DPPA3: variants seen among roughly 807,000 people sequenced by gnomAD.
DPPA3 encodes the protein developmental pluripotency associated 3, also known as developmental pluripotency-associated protein 3.
DPPA3 carries 9 observed loss-of-function variants against 15.6 expected under a neutral mutation model. The observed-to-expected ratio is 0.58, with a 90% CI of 0.35 to 1.01. The LOEUF is 1.01. Ranked by LOEUF, DPPA3 falls within the 50% of genes least tolerant of loss-of-function variation. The pLI, the probability that DPPA3 is intolerant of heterozygous loss-of-function variation, is 0.02. For missense variants in DPPA3, 148 were observed against 194.6 expected (o/e 0.76, Z 1.42); for synonymous variants, 61 against 70.9 (o/e 0.86, Z 0.70).
chr12:7,714,838 A>G (rs1311210602), intron 1 of DPPA3, among the ~76,000 whole-genome samples: 7 of 151,580 alleles, frequency 4.6e-5, no homozygotes, highest in African/African-American at 1.7e-4. Flanking sequence ...TCAGCCTCCC[A>G]AGTACCTGGG....
rs539126010 is a variant in DPPA3 at position 7,715,426 on chromosome 12, C to T, written c.326C>T (p.Thr109Met). 12 of 1,613,766 alleles carry T rather than the reference C, an allele frequency of 7.4e-6. No homozygotes were observed. The African/African-American group carries it at 1.6e-4, about 22-fold the overall frequency. The change falls in exon 2 of 4, where the codon ACG becomes ATG. Residue 109 changes from threonine (T) to methionine (M), a missense_variant and splice_region_variant. Thr to Met is a moderately conservative substitution (Grantham distance 81). Transcript: ENST00000345088. The stretch of plus-strand genomic sequence containing the variant: ...TACATGTTACTCGGCGGAGTTCGTA[C>T]GGTATGTTGATGTGATGTGGCCGGG... The part of the protein sequence containing the change: ...LRYMLLGGVR[T>M]HERRPTNKEP...
At position 7,712,077 on chromosome 12, in the gene DPPA3, G is replaced by GGCTATTTTTTTTTTTTTTTTTT. The variant is rs71038728; in HGVS notation, c.82+425_82+426insGCTATTTTTTTTTTTTTTTTTT. On this transcript the variant is annotated intron_variant, in intron 1 of 3. Transcript: ENST00000345088. ...ACTACAGGCGCCCGCCACCGCGCCC[G>GGCTATTTTTTTTTTTTTTTTTT]TTTTTTTTTTTGTATTTTTGGTAGA... 4.4e-4 allele frequency among the ~76,000 whole-genome samples: 34 copies of GGCTATTTTTTTTTTTTTTTTTT among 77,960 alleles called. 8 individuals carry two copies. The highest frequency in any genetic ancestry group is 7.5e-4 in the East Asian group (2 of 2,674). The allele number at this position is 77,960 out of a possible 152,430, so 51.1% of individuals were successfully genotyped here. A position where few individuals can be genotyped will look rare whatever the true frequency, so the allele number is the denominator to read the frequency against.
At chr12:7,714,456 T>C (rs1226505279) in intron 1 of DPPA3, among the ~76,000 whole-genome samples, 3 of 152,154 alleles carry the variant, frequency 2.0e-5, no homozygotes, top group African/African-American at 7.2e-5. Flanking sequence ...AAACCCGTGT[T>C]GTTCAAGGGT....
At chr12:7,716,928 A>G (rs770760116) in intron 3 of DPPA3, 39 bp from the exon 4 acceptor site, 9 of 1,524,466 alleles carry the variant, frequency 5.9e-6, no homozygotes, top group Non-Finnish European at 3.6e-6. Context: ...TCTCTGGGGT[A>G]CAATATTCCA....
Position 7,715,203 on chromosome 12 carries a change from G to C in DPPA3, c.103G>C (p.Glu35Gln). 2.5e-6 allele frequency: 4 copies of C among 1,613,498 alleles called. No individual in the cohort carries two copies. The highest frequency in any genetic ancestry group is 1.7e-6 in the Non-Finnish European group (2 of 1,179,752). The change falls in exon 2 of 4, where the codon GAG becomes CAG. Residue 35 changes from glutamate (E) to glutamine (Q), a missense_variant. Transcript: ENST00000345088. ...TTCAGGGGCCTCTCAAATCTCCTCC[G>C]AGACGTTGATAAAGAACCTTAGTAA... The part of the protein sequence containing the change: ...DDSGASQISS[E>Q]TLIKNLSNLT...
intron 3 of DPPA3, 112 bp from the exon 4 acceptor site, chr12:7,716,855 G>T (rs990883936): frequency 4.1e-6 from 4 of 986,268 alleles, no homozygotes; most frequent in Admixed American, 2.4e-5. Context: ...CCTTTTTTGT[G>T]TGTGTTCCCT....
chr12:7,712,118 T>A (rs771967604), intron 1 of DPPA3, among the ~76,000 whole-genome samples: 7 of 137,170 alleles, frequency 5.1e-5, no homozygotes, highest in Non-Finnish European at 7.7e-5. Context: ...GGTTTCACCG[T>A]GTTAGCCAGG....
intron 1 of DPPA3, among the ~76,000 whole-genome samples, chr12:7,713,164 G>T (rs1157382621): frequency 6.6e-6 from 1 of 152,248 alleles, no homozygotes; most frequent in African/African-American, 2.4e-5. Context: ...TGACAGCGGG[G>T]CTGGGTGTCT....
chr12:7,712,057 A>G (rs1864351977), intron 1 of DPPA3, among the ~76,000 whole-genome samples: 1 of 101,472 alleles, frequency 9.9e-6, no homozygotes, highest in African/African-American at 3.5e-5. Flanking sequence ...CTGGGACTAC[A>G]GGCGCCCGCC....
In DPPA3 at chr12:7,716,285, T is replaced by G. The variant is rs201470889; in HGVS notation, c.369+46T>G. ...TTTATTTTCCTTTTTTTTTTTTGGC[T>G]ATATATGTGGATGGGTATCTGGTTT... On this transcript the variant is annotated intron_variant, in intron 3 of 3. Transcript: ENST00000345088. The G allele has an allele frequency of 6.0e-6, 6 of 999,300 alleles. No individual in the cohort carries two copies. The East Asian group carries it at 1.6e-4, about 26-fold the overall frequency. 61.9% of individuals were successfully genotyped at this position (999,300 alleles called of 1,614,324 possible). A position where few individuals can be genotyped will look rare whatever the true frequency, so the allele number is the denominator to read the frequency against.
Position 7,712,077 on chromosome 12 carries a change from G to GGCTAT in DPPA3, c.82+425_82+426insGCTAT, listed in dbSNP as rs71038728. Reference sequence around the variant, plus strand: ...ACTACAGGCGCCCGCCACCGCGCCCGTTTTTTTTTTTGTATTTTTGGTAGA... The same window carrying GGCTAT: ...ACTACAGGCGCCCGCCACCGCGCCCGGCTATTTTTTTTTTTTGTATTTTTGGTAGA... On this transcript the variant is annotated intron_variant, in intron 1 of 3. Coordinates refer to ENST00000345088, the MANE Select transcript of DPPA3 (RefSeq NM_199286.4). Among the ~76,000 whole-genome samples, 125 of 77,972 alleles carry GGCTAT rather than the reference G, an allele frequency of 1.6e-3. 55 individuals carry two copies. The highest frequency in any genetic ancestry group is 2.6e-3 in the East Asian group (7 of 2,676). The allele number at this position is 77,972 out of a possible 152,430, so 51.2% of individuals were successfully genotyped here.
chr12:7,715,819 C>T lies in DPPA3; in HGVS notation c.328-379C>T, dbSNP rs1332915952. ...GTCTCAAAAAAAGACTCCCAGCTCA[C>T]GTCTGTAATCCCTGCACTTTGGAAG... On this transcript the variant is annotated intron_variant, in intron 2 of 3. Coordinates refer to ENST00000345088, the MANE Select transcript of DPPA3 (RefSeq NM_199286.4). 3.9e-5 allele frequency among the ~76,000 whole-genome samples: 6 copies of T among 152,086 alleles called. No homozygotes were observed. In the East Asian group the frequency reaches 7.7e-4, roughly 20 times the overall value.
Position 7,717,156 on chromosome 12 carries a change from T to A in DPPA3, c.*79T>A. ...AAAGCTACTCTATGCTAGTATAGACTATACACCAATAATTTTGATAATGAG... is the reference window on the plus strand; with the variant it reads ...AAAGCTACTCTATGCTAGTATAGACAATACACCAATAATTTTGATAATGAG... On this transcript the variant is annotated 3_prime_UTR_variant, in exon 4 of 4. Coordinates refer to ENST00000345088, the MANE Select transcript of DPPA3 (RefSeq NM_199286.4). 1 of 859,552 alleles carries A rather than the reference T, an allele frequency of 1.2e-6. No homozygotes were observed. The highest frequency in any genetic ancestry group is 1.9e-6 in the Non-Finnish European group (1 of 529,102). 53.2% of individuals were successfully genotyped at this position (859,552 alleles called of 1,614,324 possible). A position where few individuals can be genotyped will look rare whatever the true frequency, so the allele number is the denominator to read the frequency against.
Position 7,711,456 on chromosome 12 carries a change from G to A in DPPA3, c.-115G>A, listed in dbSNP as rs1864341825. On this transcript the variant is annotated 5_prime_UTR_variant, in exon 1 of 4. Coordinates refer to ENST00000345088, the MANE Select transcript of DPPA3 (RefSeq NM_199286.4). ...ACGTCAGTTCTTTGACCATTCGTTG[G>A]AGCTCCGGTTTTCAGCCTCTTTCCG... is the stretch of plus-strand genomic sequence containing the variant. The A allele has an allele frequency of 3.5e-6, 3 of 847,302 alleles. No homozygotes were observed. The highest frequency in any genetic ancestry group is 1.8e-5 in the African/African-American group (1 of 56,270). 52.5% of individuals were successfully genotyped at this position (847,302 alleles called of 1,614,324 possible).
Position 7,716,167 on chromosome 12 carries a change from T to C in DPPA3, c.328-31T>C, listed in dbSNP as rs202173543. ...ATATTAGTAATCTTTTTCTTGATAGTTTTCAATAAACATATTTTTTTCCCA... is the reference window on the plus strand; with the variant it reads ...ATATTAGTAATCTTTTTCTTGATAGCTTTCAATAAACATATTTTTTTCCCA... On this transcript the variant is annotated intron_variant, in intron 2 of 3. Coordinates refer to ENST00000345088, the MANE Select transcript of DPPA3 (RefSeq NM_199286.4). The C allele has an allele frequency of 6.1e-5, 92 of 1,517,392 alleles. No individual in the cohort carries two copies. The Admixed American group carries it at 7.4e-4, about 12-fold the overall frequency. The allele number at this position is 1,517,392 out of a possible 1,614,324, so 94.0% of individuals were successfully genotyped here.
intron 1 of DPPA3, among the ~76,000 whole-genome samples, chr12:7,714,198 C>G (rs1300624133): frequency 6.6e-6 from 1 of 151,980 alleles, no homozygotes; most frequent in East Asian, 1.9e-4. Context: ...CCACTGCACT[C>G]CAGCCTGGGA....
At chr12:7,711,723 T>C in intron 1 of DPPA3, 71 bp downstream of exon 1, 21 of 83,222 alleles carry the variant, frequency 2.5e-4, no homozygotes, top group South Asian at 1.3e-3. Flanking sequence ...CTGCCGTCTT[T>C]TTTTTTTTTT....
At chr12:7,716,104 A>G (rs1028615771) in intron 2 of DPPA3, 94 bp from the exon 3 acceptor site, 4 of 1,155,716 alleles carry the variant, frequency 3.5e-6, no homozygotes, top group Non-Finnish European at 5.0e-6. Context: ...CCCTGTCTCA[A>G]CAAATTCCCT....
At position 7,717,011 on chromosome 12, in the gene DPPA3, T is replaced by A; in HGVS notation, c.414T>A (p.Ser138=). ...PFKCPCSFCV[S]NGWDPSENAR... is the part of the protein sequence containing the mutation. ...AATGTCCCTGCAGTTTCTGCGTGTC[T>A]AATGGATGGGATCCTTCTGAGAATG... The change falls in exon 4 of 4, where the codon TCT becomes TCA. Residue 138 remains serine, a synonymous_variant. Coordinates refer to ENST00000345088, the MANE Select transcript of DPPA3 (RefSeq NM_199286.4). 1 of 1,614,010 alleles carries A rather than the reference T, an allele frequency of 6.2e-7. No homozygotes were observed. The highest frequency in any genetic ancestry group is 1.3e-5 in the African/African-American group (1 of 75,030).
Sources: gnomAD v4.1 joint callset for allele counts (sites outside exome capture counted in the v4.1 genomes callset) on GRCh38, gnomAD v4.1.1 for gene constraint, MANE v1.5 for transcripts, NCBI Gene and HGNC (gene_info 2026-07-23, HGNC 2026-07-21) for gene names.